The following ATRNL1 variants were observed in gnomAD, a reference collection of about 807,000 sequenced individuals.
ATRNL1 encodes the protein attractin like 1.
Under a neutral mutation model 182.7 loss-of-function variants are expected in ATRNL1, and 95 were observed. The observed-to-expected ratio is 0.52, with a 90% CI of 0.44 to 0.62. The LOEUF is 0.62. Ranked by LOEUF, ATRNL1 falls within the 20% of genes least tolerant of loss-of-function variation. ATRNL1 has a pLI of 0.00. For synonymous variants in ATRNL1, 576 were observed against 568.3 expected (o/e 1.01, Z -0.19); for missense variants, 1,471 against 1,679.5 (o/e 0.88, Z 2.17).
intron 24 of ATRNL1, among the ~76,000 whole-genome samples, chr10:115,512,650 A>G (rs1850445977): frequency 6.6e-6 from 1 of 151,874 alleles, no homozygotes; most frequent in South Asian, 2.1e-4. Context: ...AACAATATGA[A>G]CAAGGCTACT....
At chr10:115,714,941 A>G (rs1565312074) in intron 26 of ATRNL1, among the ~76,000 whole-genome samples, 2 of 152,188 alleles carry the variant, frequency 1.3e-5, no homozygotes, top group Admixed American at 1.3e-4. Flanking sequence ...CTTAGCAGGA[A>G]TATATCATAA....
chr10:115,143,707 C>T (rs1208581088), intron 5 of ATRNL1, among the ~76,000 whole-genome samples: 3 of 151,728 alleles, frequency 2.0e-5, no homozygotes, highest in South Asian at 2.1e-4. Flanking sequence ...GAGGAGAGAG[C>T]GAGAGCAAGA....
In ATRNL1 at chr10:115,201,565, G is replaced by T. The variant is rs1314524469; in HGVS notation, c.1349-14132G>T. On this transcript the variant is annotated intron_variant, in intron 8 of 28. Coordinates refer to ENST00000355044, the MANE Select transcript of ATRNL1 (RefSeq NM_207303.4). Reference sequence around the variant, plus strand: ...TAGATATGCGGCGTTATTTCTGAGGGTTCTGTTCTGTTCCATTGATCTATA... The same window carrying T: ...TAGATATGCGGCGTTATTTCTGAGGTTTCTGTTCTGTTCCATTGATCTATA... 3.9e-5 allele frequency among the ~76,000 whole-genome samples: 6 copies of T among 152,040 alleles called. 1 individual carries two copies. In the South Asian group the frequency reaches 6.2e-4, roughly 16 times the overall value.
intron 19 of ATRNL1, among the ~76,000 whole-genome samples, chr10:115,352,726 T>G (rs1856316533): frequency 6.6e-6 from 1 of 152,100 alleles, no homozygotes; most frequent in Non-Finnish European, 1.5e-5. Context: ...GGAGAAACCC[T>G]GTCTGTACTA....
At chr10:115,129,630 C>A in intron 5 of ATRNL1, 95 bp downstream of exon 5, 3 of 911,936 alleles carry the variant, frequency 3.3e-6, no homozygotes, top group Non-Finnish European at 5.0e-6. Context: ...ATAGTTTGCA[C>A]ACCCAAGCCT....
At chr10:115,430,776 T>C (rs1846122214) in intron 21 of ATRNL1, among the ~76,000 whole-genome samples, 1 of 152,148 alleles carries the variant, frequency 6.6e-6, no homozygotes, top group African/African-American at 2.4e-5. Context: ...TGATAGGGTA[T>C]GGAGGCAATT....
rs1276690820 is a variant in ATRNL1 at position 115,383,156 on chromosome 10, T to C, written c.3176-11503T>C. Among the ~76,000 whole-genome samples, 5 of 151,648 alleles carry C rather than the reference T, an allele frequency of 3.3e-5. No individual in the cohort carries two copies. In the East Asian group the frequency reaches 9.6e-4, roughly 29 times the overall value. On this transcript the variant is annotated intron_variant, in intron 19 of 28. Transcript: ENST00000355044. The stretch of plus-strand genomic sequence containing the variant: ...TCTCTACTGGTCTTTTTCCTTTTAG[T>C]GTGGTACATTGCATTTACTGATTTT...
At chr10:115,230,911 G>GAGAGAGAGAGAGAGAGAGAGAA (rs1849911770) in intron 9 of ATRNL1, among the ~76,000 whole-genome samples, 1 of 112,098 alleles carries the variant, frequency 8.9e-6, no homozygotes, top group Admixed American at 8.3e-5. Context: ...GAGAGAGAGA[G>GAGAGAGAGAGAGAGAGAGAGAA]AGAGAGAGAG....
intron 24 of ATRNL1, among the ~76,000 whole-genome samples, chr10:115,485,182 T>C (rs1433917420): frequency 6.6e-6 from 1 of 152,070 alleles, no homozygotes; most frequent in Non-Finnish European, 1.5e-5. Context: ...TTCATTTTTA[T>C]TGTTTTATAA....
intron 17 of ATRNL1, among the ~76,000 whole-genome samples, chr10:115,309,885 A>G (rs1400689152): frequency 1.3e-5 from 2 of 152,020 alleles, no homozygotes; most frequent in African/African-American, 4.8e-5. Flanking sequence ...TTCCAGTACT[A>G]TATTAAATAG....
chr10:115,717,789 C>T (rs782525829), intron 26 of ATRNL1, among the ~76,000 whole-genome samples: 4 of 151,924 alleles, frequency 2.6e-5, no homozygotes, highest in Non-Finnish European at 5.9e-5. Flanking sequence ...CTCTTGACCT[C>T]GTGATCCACC....
chr10:115,828,511 T>A (rs1348247400), intron 27 of ATRNL1, among the ~76,000 whole-genome samples: 2 of 152,156 alleles, frequency 1.3e-5, no homozygotes, highest in East Asian at 3.9e-4. Context: ...CAATGAAAGG[T>A]TTAAATAGAC....
intron 26 of ATRNL1, among the ~76,000 whole-genome samples, chr10:115,645,835 A>G (rs1229772843): frequency 6.6e-6 from 1 of 151,984 alleles, no homozygotes; most frequent in Admixed American, 6.6e-5. Flanking sequence ...CTGCCACCCC[A>G]TCCCTATTGT....
In ATRNL1 at chr10:115,534,369, T is replaced by G. The variant is rs1419776063; in HGVS notation, c.3716+15045T>G. Among the ~76,000 whole-genome samples the G allele has an allele frequency of 2.2e-4, 33 of 152,220 alleles. 1 individual carries two copies. In the East Asian group the frequency reaches 6.0e-3, roughly 28 times the overall value. ...TTTACCATTATGTAATGGCCTTCTT[T>G]GTCTCTTCTGATCTTTGTTGGTTTA... On this transcript the variant is annotated intron_variant, in intron 25 of 28. Transcript: ENST00000355044.
intron 17 of ATRNL1, among the ~76,000 whole-genome samples, 167 bp downstream of exon 17, chr10:115,302,210 A>G (rs1361293497): frequency 6.6e-6 from 1 of 152,198 alleles, no homozygotes; most frequent in African/African-American, 2.4e-5. Flanking sequence ...TTTTTATTAT[A>G]TCATCATTTT....
chr10:115,767,336 A>G (rs1487909826), intron 27 of ATRNL1, among the ~76,000 whole-genome samples: 2 of 152,106 alleles, frequency 1.3e-5, no homozygotes, highest in Non-Finnish European at 2.9e-5. Flanking sequence ...TCCTCCCAAC[A>G]GCCCCATTTT....
At chr10:115,323,434 C>G (rs1302388976) in intron 18 of ATRNL1, among the ~76,000 whole-genome samples, 2 of 140,726 alleles carry the variant, frequency 1.4e-5, no homozygotes, top group African/African-American at 5.3e-5. Context: ...CCTCCCCTCC[C>G]CTCCCCTTCC....
intron 13 of ATRNL1, among the ~76,000 whole-genome samples, chr10:115,279,726 T>G (rs532148729): frequency 1.3e-5 from 2 of 152,330 alleles, no homozygotes; most frequent in Non-Finnish European, 2.9e-5. Flanking sequence ...TGCAAACTCC[T>G]CTTTATTCTA....
intron 27 of ATRNL1, among the ~76,000 whole-genome samples, chr10:115,748,326 T>C (rs2134113134): frequency 6.6e-6 from 1 of 151,606 alleles, no homozygotes; most frequent in South Asian, 2.1e-4. Flanking sequence ...ATTCATTTGA[T>C]TAATGTTACT....
Sources: gnomAD v4.1 joint callset for allele counts (sites outside exome capture counted in the v4.1 genomes callset) on GRCh38, gnomAD v4.1.1 for gene constraint, MANE v1.5 for transcripts, NCBI Gene and HGNC (gene_info 2026-07-23, HGNC 2026-07-21) for gene names.